Variants in B3GALT1 observed in about 807,000 individuals in gnomAD.
B3GALT1 encodes the protein beta-1,3-galactosyltransferase 1, also known as UDP-Gal:betaGlcNAc beta 1,3-galactosyltransferase, polypeptide 1.
Under a neutral mutation model 23.2 loss-of-function variants are expected in B3GALT1, and 10 were observed. That is an observed-to-expected ratio of 0.43 (90% confidence interval 0.27 to 0.73). The LOEUF is 0.73. Among genes scored for constraint, B3GALT1 ranks in the 30% least tolerant of loss-of-function variants. B3GALT1 has a pLI of 0.21. For synonymous variants in B3GALT1, 156 were observed against 141.5 expected, an observed-to-expected ratio of 1.10 and a Z score of -0.73; for missense variants, 299 against 405.4, an observed-to-expected ratio of 0.74 and a Z score of 2.25.
intron 2 of B3GALT1, among the ~76,000 whole-genome samples, chr2:167,577,334 C>T (rs1251828447): frequency 1.3e-5 from 2 of 151,850 alleles, no homozygotes; most frequent in Non-Finnish European, 2.9e-5. Context: ...AATTCTAATA[C>T]TGATGCTAAC....
intron 2 of B3GALT1, among the ~76,000 whole-genome samples, chr2:167,618,822 G>A (rs989660349): frequency 1.2e-4 from 18 of 151,904 alleles, no homozygotes; most frequent in African/African-American, 4.1e-4. Context: ...ATTTCAGAGC[G>A]ATGGAGTTGT....
intron 3 of B3GALT1, among the ~76,000 whole-genome samples, chr2:167,735,426 A>G (rs1687477403): frequency 6.6e-6 from 1 of 152,238 alleles, no homozygotes; most frequent in African/African-American, 2.4e-5. Flanking sequence ...CAATGGGCCA[A>G]CCACAGGGGG....
chr2:167,494,336 CA>C (rs1217146193), intron 2 of B3GALT1, among the ~76,000 whole-genome samples: 353 of 130,466 alleles, frequency 2.7e-3, no homozygotes, highest in South Asian at 4.3e-3. Context: ...AGACTCCTCT[CA>C]AAAAAAAAAA....
intron 1 of B3GALT1, among the ~76,000 whole-genome samples, chr2:167,395,410 T>C (rs1698078646): frequency 6.6e-6 from 1 of 151,746 alleles, no homozygotes; most frequent in Non-Finnish European, 1.5e-5. Flanking sequence ...ATGATGGAGA[T>C]TAGAATAATA....
At chr2:167,849,037 C>G (rs1036368153) in intron 4 of B3GALT1, among the ~76,000 whole-genome samples, 1 of 152,098 alleles carries the variant, frequency 6.6e-6, no homozygotes, top group Non-Finnish European at 1.5e-5. Context: ...GTCAGAAGAC[C>G]TCTGCAGGGA....
chr2:167,408,703 A>G (rs1698347231), intron 1 of B3GALT1, among the ~76,000 whole-genome samples: 1 of 151,998 alleles, frequency 6.6e-6, no homozygotes, highest in Non-Finnish European at 1.5e-5. Flanking sequence ...ACAGCAAACA[A>G]TCAGAAAAAA....
chr2:167,659,129 A>G (rs1243895066), intron 3 of B3GALT1, among the ~76,000 whole-genome samples: 3 of 152,136 alleles, frequency 2.0e-5, no homozygotes, highest in African/African-American at 4.8e-5. Flanking sequence ...TGGAAAAACC[A>G]AAAAACCAAC....
chr2:167,815,568 T>C (rs566663691), intron 3 of B3GALT1, among the ~76,000 whole-genome samples: 1 of 152,286 alleles, frequency 6.6e-6, no homozygotes, highest in South Asian at 2.1e-4. Flanking sequence ...AGACTAAATC[T>C]CATGTCCAAA....
rs571875519 is a variant in B3GALT1 at position 167,469,927 on chromosome 2, G to C, written c.-510-20250G>C. ...TATGTTTACTTATTAATAGCAAATT[G>C]TATAAATTTTTTAGGACCTGAAAGA... On this transcript the variant is annotated intron_variant, in intron 1 of 4. Transcript: ENST00000392690. 5.3e-5 allele frequency among the ~76,000 whole-genome samples: 8 copies of C among 152,244 alleles called. No individual in the cohort carries two copies. In the East Asian group the frequency reaches 1.3e-3, roughly 26 times the overall value.
chr2:167,835,167 C>G (rs1025891439), intron 4 of B3GALT1, among the ~76,000 whole-genome samples: 4 of 152,126 alleles, frequency 2.6e-5, no homozygotes, highest in African/African-American at 9.7e-5. Flanking sequence ...CTAGGGAGTG[C>G]CAGACAGTGG....
At chr2:167,715,353 C>G (rs1687126179) in intron 3 of B3GALT1, 4 of 1,613,886 alleles carry the variant, frequency 2.5e-6, no homozygotes, top group South Asian at 2.2e-5. Flanking sequence ...TTATTAAGTT[C>G]AGTCACTTGT....
At chr2:167,796,867 C>T (rs112444135) in intron 3 of B3GALT1, among the ~76,000 whole-genome samples, 1 of 152,160 alleles carries the variant, frequency 6.6e-6, no homozygotes, top group East Asian at 1.9e-4. Context: ...TTATAGTAGA[C>T]ATTAACAAGC....
rs57375833 is a variant in B3GALT1, at chr2:167,295,768, CGTGTGTGTGTGTGTGTGTGTGT to C, written c.-511+2447_-511+2468del. 3.2e-3 allele frequency among the ~76,000 whole-genome samples: 455 copies of C among 143,448 alleles called. 2 individuals carry two copies. Among genetic ancestry groups the C allele is most frequent in the African/African-American group, 0.01 (421 of 40,224 alleles). The allele number at this position is 143,448 out of a possible 152,430, so 94.1% of individuals were successfully genotyped here. The stretch of plus-strand genomic sequence containing the variant: ...TGCTCATTTTAAGGTTGTGTGTGTA[CGTGTGTGTGTGTGTGTGTGTGT>C]GTGTGTGTGTGTATGGAACTTTTAC... On this transcript the variant is annotated intron_variant, in intron 1 of 4. Transcript: ENST00000392690.
intron 2 of B3GALT1, among the ~76,000 whole-genome samples, chr2:167,533,821 G>A (rs147902189): frequency 6.4e-4 from 97 of 152,182 alleles, no homozygotes; most frequent in African/African-American, 2.2e-3. Context: ...TCCTTTAAAA[G>A]GTCTGGTAGT....
intron 2 of B3GALT1, among the ~76,000 whole-genome samples, chr2:167,575,212 A>G (rs532521639): frequency 2.6e-5 from 4 of 151,894 alleles, no homozygotes; most frequent in Non-Finnish European, 4.4e-5. Context: ...AAAATAAAAC[A>G]TTGCTATTGC....
intron 4 of B3GALT1, among the ~76,000 whole-genome samples, chr2:167,866,447 C>G (rs1403784452): frequency 6.6e-6 from 1 of 152,180 alleles, no homozygotes. Flanking sequence ...TTGTCCAATA[C>G]TTCACATACA....
At chr2:167,659,513 C>T (rs949010754) in intron 3 of B3GALT1, among the ~76,000 whole-genome samples, 3 of 151,878 alleles carry the variant, frequency 2.0e-5, no homozygotes, top group Non-Finnish European at 2.9e-5. Flanking sequence ...ATCTTTATTC[C>T]TCAGTCACAT....
chr2:167,807,211 C>T (rs1245883599), intron 3 of B3GALT1, among the ~76,000 whole-genome samples: 1 of 152,112 alleles, frequency 6.6e-6, no homozygotes, highest in East Asian at 1.9e-4. Flanking sequence ...CTCTTTTCTT[C>T]TTAATTAGTC....
intron 3 of B3GALT1, among the ~76,000 whole-genome samples, chr2:167,768,153 C>G (rs531726637): frequency 6.6e-6 from 1 of 152,320 alleles, no homozygotes; most frequent in South Asian, 2.1e-4. Flanking sequence ...GTCAGAGCAT[C>G]CTTACAGACA....
Sources: allele counts gnomAD v4.1 joint callset (sites outside exome capture counted in the v4.1 genomes callset), GRCh38; gene constraint gnomAD v4.1.1; transcripts MANE v1.5; gene names NCBI Gene and HGNC (gene_info 2026-07-23, HGNC 2026-07-21).